The following SCARB1 variants were observed in gnomAD, a reference collection of about 807,000 sequenced individuals.
SCARB1 encodes scavenger receptor class B member 1.
Under a neutral mutation model 57.2 loss-of-function variants are expected in SCARB1, and 30 were observed. That is an observed-to-expected ratio of 0.52 (90% confidence interval 0.39 to 0.71). The LOEUF is 0.71. Among genes scored for constraint, SCARB1 ranks in the 30% least tolerant of loss-of-function variants. The probability of loss-of-function intolerance (pLI) is 0.00; values close to 1 mark genes in which losing one functional copy is unlikely to be tolerated. For synonymous variants in SCARB1, 249 were observed against 268.3 expected (o/e 0.93, Z 0.70); for missense variants, 543 against 671.2 (o/e 0.81, Z 2.11).
intron 1 of SCARB1, among the ~76,000 whole-genome samples, chr12:124,836,217 TCA>T (rs1402259188): frequency 6.6e-6 from 1 of 152,166 alleles, no homozygotes; most frequent in Non-Finnish European, 1.5e-5. Flanking sequence ...CTCAGGGACA[TCA>T]CACGTATTCA....
At chr12:124,802,707 G>C (rs1051434666) in intron 7 of SCARB1, among the ~76,000 whole-genome samples, 2 of 152,186 alleles carry the variant, frequency 1.3e-5, no homozygotes, top group Non-Finnish European at 2.9e-5. Context: ...TTAATTTGTA[G>C]CTTTATGGCA....
intron 7 of SCARB1, among the ~76,000 whole-genome samples, chr12:124,802,941 C>T (rs756909208): frequency 1.3e-5 from 2 of 152,130 alleles, no homozygotes; most frequent in South Asian, 2.1e-4. Context: ...GTGTGCACCA[C>T]GGTCACGGTC....
At chr12:124,829,653 AT>A (rs1334763955) in intron 1 of SCARB1, among the ~76,000 whole-genome samples, 1 of 152,104 alleles carries the variant, frequency 6.6e-6, no homozygotes, top group Non-Finnish European at 1.5e-5. Context: ...TCCAGGGGCA[AT>A]CTTTCCCCTG....
At chr12:124,815,183 C>A in intron 2 of SCARB1, 69 bp from the exon 3 acceptor site, 1 of 1,567,212 alleles carries the variant, frequency 6.4e-7, no homozygotes, top group Non-Finnish European at 8.7e-7. Context: ...TACTCGCCTG[C>A]AATGCCTGCC....
At chr12:124,786,154 G>A in intron 11 of SCARB1, 1 of 1,548,310 alleles carries the variant, frequency 6.5e-7, no homozygotes, top group Non-Finnish European at 8.7e-7. Context: ...AACAGGCAGA[G>A]TAGTGGCAAC....
chr12:124,826,087 C>T (rs1951146449), intron 1 of SCARB1, among the ~76,000 whole-genome samples: 1 of 151,350 alleles, frequency 6.6e-6, no homozygotes, highest in Admixed American at 6.6e-5. Context: ...AATCCCAGCA[C>T]TTTGGGAGGC....
intron 1 of SCARB1, among the ~76,000 whole-genome samples, chr12:124,856,633 G>A (rs1017823816): frequency 2.0e-5 from 3 of 152,238 alleles, no homozygotes; most frequent in African/African-American, 4.8e-5. Context: ...TGTCCTCGAG[G>A]AGCCCCCTCC....
At chr12:124,835,233 C>T (rs920981535) in intron 1 of SCARB1, among the ~76,000 whole-genome samples, 4 of 151,612 alleles carry the variant, frequency 2.6e-5, no homozygotes, top group African/African-American at 9.7e-5. Context: ...CCGTGACCAT[C>T]GCACCGGTCT....
rs757231326 is a variant in SCARB1, at chr12:124,787,416, C to T, written c.1244G>A (p.Trp415Ter). Reference sequence around the variant, plus strand: ...CCAACGCACCCTTACCTCTGCAAACCAGAGCAGCGGCAGGACCACAGGCTC... The same window carrying T: ...CCAACGCACCCTTACCTCTGCAAACTAGAGCAGCGGCAGGACCACAGGCTC... The part of the protein sequence containing the change: ...KIEPVVLPLL[W>*]FAESGAMEGE... Residue 415 changes from tryptophan to a stop codon, truncating the protein, a stop_gained, in exon 10 of 13, where the codon TGG (tryptophan) becomes TAG (stop). Coordinates refer to ENST00000261693, the MANE Select transcript of SCARB1 (RefSeq NM_005505.5). LOFTEE classifies it high-confidence loss of function. The T allele has an allele frequency of 6.2e-7, 1 of 1,613,732 alleles. No homozygotes were observed. The highest frequency in any genetic ancestry group is 8.5e-7 in the Non-Finnish European group (1 of 1,179,946).
intron 7 of SCARB1, among the ~76,000 whole-genome samples, chr12:124,802,463 C>T (rs1205465464): frequency 1.3e-5 from 2 of 152,022 alleles, no homozygotes; most frequent in South Asian, 2.1e-4. Flanking sequence ...ATCTGGAAAA[C>T]GCTGCCTCTC....
intron 1 of SCARB1, among the ~76,000 whole-genome samples, chr12:124,835,641 T>TA (rs34785993): frequency 0.03 from 4,613 of 151,844 alleles, 474 homozygotes; most frequent in East Asian, 0.23. Context: ...CCGCCCCCAC[T>TA]AAAAAAAACA....
chr12:124,858,806 A>G (rs1404254347), intron 1 of SCARB1, among the ~76,000 whole-genome samples: 3 of 151,602 alleles, frequency 2.0e-5, no homozygotes, highest in Non-Finnish European at 2.9e-5. Flanking sequence ...GTGAACCCGG[A>G]AGGTGGAGCT....
chr12:124,810,407 C>T lies in SCARB1; in HGVS notation c.727-118G>A. 1.4e-6 allele frequency: 1 copy of T among 732,768 alleles called. No individual in the cohort carries two copies. The highest frequency in any genetic ancestry group is 1.5e-5 in the South Asian group (1 of 67,722). 45.4% of individuals were successfully genotyped at this position (732,768 alleles called of 1,614,324 possible). ...ACGCACGGCCACTCAATTCCCAATA[C>T]TGGCACGGTGGGAAGAGGGCAGGCT... On this transcript the variant is annotated intron_variant, in intron 5 of 12. Coordinates refer to ENST00000261693, the MANE Select transcript of SCARB1 (RefSeq NM_005505.5). This position sits in a 1 kb window ranked among gnomAD's most constrained non-coding sequence, Gnocchi z 4.0.
intron 1 of SCARB1, among the ~76,000 whole-genome samples, chr12:124,835,234 G>A (rs774083321): frequency 4.6e-5 from 7 of 151,578 alleles, no homozygotes; most frequent in Non-Finnish European, 7.4e-5. Flanking sequence ...CGTGACCATC[G>A]CACCGGTCTA....
chr12:124,850,309 G>T (rs1952341973), intron 1 of SCARB1, among the ~76,000 whole-genome samples: 1 of 152,062 alleles, frequency 6.6e-6, no homozygotes, highest in African/African-American at 2.4e-5. Context: ...GGAGGCGGAG[G>T]TTGCAGTGAG....
In SCARB1 at chr12:124,782,976, C is replaced by T. The variant is rs995396345; in HGVS notation, c.1402-165G>A. ...AGGTGGCTGAGATGTGGGGAGCTGC[C>T]GCTCTTAGACATAAGTACAAGCATC... On this transcript the variant is annotated intron_variant, in intron 11 of 12. Coordinates refer to ENST00000261693, the MANE Select transcript of SCARB1 (RefSeq NM_005505.5). The T allele has an allele frequency of 2.5e-4, 164 of 663,834 alleles. 2 individuals carry two copies. In the South Asian group the frequency reaches 2.6e-3, roughly 11 times the overall value. The allele number at this position is 663,834 out of a possible 1,614,324, so 41.1% of individuals were successfully genotyped here. A position where few individuals can be genotyped will look rare whatever the true frequency, so the allele number is the denominator to read the frequency against.
chr12:124,854,710 T>G (rs1952561564), intron 1 of SCARB1, among the ~76,000 whole-genome samples: 1 of 152,108 alleles, frequency 6.6e-6, no homozygotes, highest in African/African-American at 2.4e-5. Flanking sequence ...GAGTCAAGGC[T>G]GAGTGCAAGA....
chr12:124,800,852 G>A lies in SCARB1; in HGVS notation c.1010-610C>T, dbSNP rs938684170. On this transcript the variant is annotated intron_variant, in intron 7 of 12. Transcript: ENST00000261693. This position sits in a 1 kb window ranked among gnomAD's most constrained non-coding sequence, Gnocchi z 4.8. ...ACCAGGCAAACACCAGCTCACCCTC[G>A]GGACAATGGACAACAGGCCTGAAGG... Among the ~76,000 whole-genome samples, 7 of 152,248 alleles carry A rather than the reference G, an allele frequency of 4.6e-5. No homozygotes were observed. Among genetic ancestry groups the A allele is most frequent in the Middle Eastern group, 3.4e-3 (1 of 294 alleles).
chr12:124,797,636 G>A (rs767896947), intron 8 of SCARB1, among the ~76,000 whole-genome samples: 2 of 152,148 alleles, frequency 1.3e-5, no homozygotes, highest in African/African-American at 2.4e-5. Context: ...AAGAAAATCC[G>A]TGCCCTGAAA....
Sources: allele counts gnomAD v4.1 joint callset (sites outside exome capture counted in the v4.1 genomes callset), GRCh38; gene constraint gnomAD v4.1.1; non-coding constraint Gnocchi (gnomAD v3.1); transcripts MANE v1.5; gene names NCBI Gene and HGNC (gene_info 2026-07-23, HGNC 2026-07-21).